Variants in NUP37 observed in about 807,000 individuals in gnomAD.
NUP37 encodes the protein nucleoporin 37.
A neutral mutation model predicts 45.4 loss-of-function variants in NUP37; 33 were observed. The ratio of observed to expected loss-of-function variants is 0.73; its 90% CI spans 0.55 to 0.97. The LOEUF (loss-of-function observed/expected upper bound fraction) is 0.97. NUP37 is among the 50% of genes least tolerant of loss of function. NUP37 has a pLI of 0.00. For missense variants in NUP37, 365 were observed against 389.7 expected (o/e 0.94, Z 0.53); for synonymous variants, 127 against 130.7 (o/e 0.97, Z 0.19).
At chr12:102,091,840 T>C (rs1329445796) in intron 5 of NUP37, among the ~76,000 whole-genome samples, 1 of 152,232 alleles carries the variant, frequency 6.6e-6, no homozygotes, top group Non-Finnish European at 1.5e-5. Flanking sequence ...TAGAGAGCTA[T>C]TCAGATCTAA....
chr12:102,117,595 T>G (rs1441610993), intron 2 of NUP37, among the ~76,000 whole-genome samples: 1 of 152,238 alleles, frequency 6.6e-6, no homozygotes, highest in African/African-American at 2.4e-5. Context: ...CAAAGCAATC[T>G]TACTTTGGTG....
chr12:102,118,327 T>C (rs950110098), intron 2 of NUP37, 36 bp downstream of exon 2: 2 of 1,570,868 alleles, frequency 1.3e-6, no homozygotes, highest in Non-Finnish European at 8.6e-7. Context: ...TAGTGAAATA[T>C]GTTCACTGTC....
rs1879090219 is a variant in NUP37, at chr12:102,073,628, C to T, written c.*726G>A. The stretch of plus-strand genomic sequence containing the variant: ...AATTTTTTACATTAAATTGAGTACA[C>T]ATACACATATATATACTCAACAACC... On this transcript the variant is annotated 3_prime_UTR_variant, in exon 10 of 10. Transcript: ENST00000552283. 1 of 152,098 alleles carries T rather than the reference C, an allele frequency of 6.6e-6. No individual in the cohort carries two copies. The highest frequency in any genetic ancestry group is 2.1e-4 in the South Asian group (1 of 4,830). The allele number at this position is 152,098 out of a possible 1,614,324, so 9.4% of individuals were successfully genotyped here.
intron 3 of NUP37, among the ~76,000 whole-genome samples, chr12:102,110,208 TAA>T (rs1200363305): frequency 1.3e-5 from 2 of 152,040 alleles, no homozygotes; most frequent in African/African-American, 4.8e-5. Flanking sequence ...TGGCTAAAAT[TAA>T]AAAGACAGGC....
At chr12:102,110,257 T>C (rs1880272301) in intron 3 of NUP37, among the ~76,000 whole-genome samples, 1 of 151,976 alleles carries the variant, frequency 6.6e-6, no homozygotes, top group African/African-American at 2.4e-5. Flanking sequence ...CCTAACACTT[T>C]GGGAGGTCAA....
At chr12:102,114,281 G>C (rs1321060924) in intron 2 of NUP37, among the ~76,000 whole-genome samples, 1 of 152,122 alleles carries the variant, frequency 6.6e-6, no homozygotes, top group Admixed American at 6.6e-5. Context: ...CAATATTGTT[G>C]ACAATCAAGT....
chr12:102,091,425 A>AC (rs1879651270), intron 5 of NUP37, among the ~76,000 whole-genome samples: 1 of 143,504 alleles, frequency 7.0e-6, no homozygotes, highest in Non-Finnish European at 1.5e-5. Flanking sequence ...AAAAAAAAAA[A>AC]AAACCCAAAA....
At position 102,084,741 on chromosome 12, in the gene NUP37, G is replaced by A. The variant is rs80184009; in HGVS notation, c.540+1025C>T. On this transcript the variant is annotated intron_variant, in intron 6 of 9. Coordinates refer to ENST00000552283, the MANE Select transcript of NUP37 (RefSeq NM_024057.4). ...AAAAAAAAAGTATGAAGACATTAGA[G>A]GACTGTGGGAGCCTAAGGAACTACC... Among the ~76,000 whole-genome samples, 175 of 151,832 alleles carry A rather than the reference G, an allele frequency of 1.2e-3. 2 individuals carry two copies. The East Asian group carries it at 0.026, about 23-fold the overall frequency.
intron 1 of NUP37, chr12:102,119,500 G>A (rs1223399037): frequency 1.3e-5 from 2 of 152,168 alleles, no homozygotes; most frequent in African/African-American, 4.8e-5. Flanking sequence ...TCCCACATGA[G>A]AATTATGGGT....
chr12:102,093,148 T>C (rs537622811), intron 5 of NUP37, among the ~76,000 whole-genome samples: 5 of 152,050 alleles, frequency 3.3e-5, no homozygotes, highest in Non-Finnish European at 5.9e-5. Flanking sequence ...TAATAAAGAC[T>C]GCATGTACTT....
intron 6 of NUP37, among the ~76,000 whole-genome samples, chr12:102,083,645 T>C (rs1319888183): frequency 6.6e-6 from 1 of 152,210 alleles, no homozygotes; most frequent in African/African-American, 2.4e-5. Context: ...TTATTCCCTA[T>C]TACAATAAAG....
rs558171044 is a variant in NUP37 at position 102,091,395 on chromosome 12, G to A, written c.450-5539C>T. ...CCCGGGAAACAGAGTGAGAGACTCC[G>A]TCTCAAAAAAAAAAAAAAAAAAAAA... is the stretch of plus-strand genomic sequence containing the variant. On this transcript the variant is annotated intron_variant, in intron 5 of 9. Coordinates refer to ENST00000552283, the MANE Select transcript of NUP37 (RefSeq NM_024057.4). Among the ~76,000 whole-genome samples the A allele has an allele frequency of 4.9e-3, 360 of 73,130 alleles. 1 individual carries two copies. The highest frequency in any genetic ancestry group is 0.021 in the African/African-American group (336 of 16,142). 48.0% of individuals were successfully genotyped at this position (73,130 alleles called of 152,430 possible). A position where few individuals can be genotyped will look rare whatever the true frequency, so the allele number is the denominator to read the frequency against.
chr12:102,112,895 G>A (rs187310312), intron 2 of NUP37, among the ~76,000 whole-genome samples: 553 of 152,262 alleles, frequency 3.6e-3, no homozygotes, highest in Non-Finnish European at 6.3e-3. Flanking sequence ...TATTGTTTAT[G>A]AATAGTGAAT....
intron 8 of NUP37, among the ~76,000 whole-genome samples, chr12:102,075,911 G>C (rs918520119): frequency 2.0e-5 from 3 of 151,574 alleles, no homozygotes; most frequent in Admixed American, 6.6e-5. Flanking sequence ...TTCGGCAAAT[G>C]GAGTACTTCT....
At chr12:102,116,778 G>T (rs1220794373) in intron 2 of NUP37, among the ~76,000 whole-genome samples, 1 of 151,964 alleles carries the variant, frequency 6.6e-6, no homozygotes, top group Non-Finnish European at 1.5e-5. Context: ...GCTGAGGCGG[G>T]CGGATCACGA....
At chr12:102,095,381 AAC>A (rs997398806) in intron 5 of NUP37, among the ~76,000 whole-genome samples, 31 of 152,128 alleles carry the variant, frequency 2.0e-4, no homozygotes, top group African/African-American at 3.9e-4. Flanking sequence ...TGCATATACA[AAC>A]ACACACATAA....
chr12:102,084,369 G>A (rs191557532), intron 6 of NUP37, among the ~76,000 whole-genome samples: 6 of 152,142 alleles, frequency 3.9e-5, no homozygotes, highest in Non-Finnish European at 5.9e-5. Flanking sequence ...GGAGATGGCC[G>A]GTACGGTGGC....
In NUP37 at chr12:102,074,991, T is replaced by A. The variant is rs757546350; in HGVS notation, c.867+10A>T. On this transcript the variant is annotated intron_variant, in intron 9 of 9. Coordinates refer to ENST00000552283, the MANE Select transcript of NUP37 (RefSeq NM_024057.4). ...AAAAGCACGTATGTTACAAAACATT[T>A]CCACATTACCTGAGGGTGTCCTAAA... is the stretch of plus-strand genomic sequence containing the variant. The A allele has an allele frequency of 3.9e-6, 6 of 1,552,134 alleles. No homozygotes were observed. The highest frequency in any genetic ancestry group is 5.2e-6 in the Non-Finnish European group (6 of 1,143,496).
At chr12:102,115,371 C>T (rs1432864341) in intron 2 of NUP37, among the ~76,000 whole-genome samples, 1 of 152,160 alleles carries the variant, frequency 6.6e-6, no homozygotes, top group Non-Finnish European at 1.5e-5. Context: ...GTGTAAAATA[C>T]ATACCAGATT....
Sources: gnomAD v4.1 joint callset for allele counts (sites outside exome capture counted in the v4.1 genomes callset) on GRCh38, gnomAD v4.1.1 for gene constraint, MANE v1.5 for transcripts, NCBI Gene and HGNC (gene_info 2026-07-23, HGNC 2026-07-21) for gene names.